The following GABRB1 variants were observed in gnomAD, a reference collection of about 807,000 sequenced individuals.
The protein encoded by GABRB1 is gamma-aminobutyric acid receptor subunit beta-1.
GABRB1 carries 17 observed loss-of-function variants against 51.6 expected under a neutral mutation model. The ratio of observed to expected loss-of-function variants is 0.33; its 90% CI spans 0.23 to 0.49. The LOEUF (loss-of-function observed/expected upper bound fraction) is 0.49, where lower values mean the gene tolerates loss of function less well. Ranked by LOEUF, GABRB1 falls within the 20% of genes least tolerant of loss-of-function variation. The pLI is 0.99. For synonymous variants in GABRB1, 247 were observed against 218.9 expected, an observed-to-expected ratio of 1.13 and a Z score of -1.14; for missense variants, 410 against 600.6, an observed-to-expected ratio of 0.68 and a Z score of 3.32.
chr4:47,342,205 G>T (rs1253506627), intron 5 of GABRB1, among the ~76,000 whole-genome samples: 1 of 152,002 alleles, frequency 6.6e-6, no homozygotes, highest in Non-Finnish European at 1.5e-5. Flanking sequence ...AGAAAGGAAA[G>T]TTTTAAACAC....
At chr4:47,164,789 T>A (rs1404382402) in intron 4 of GABRB1, among the ~76,000 whole-genome samples, 2 of 152,112 alleles carry the variant, frequency 1.3e-5, no homozygotes, top group Non-Finnish European at 2.9e-5. Flanking sequence ...GGATGGCACA[T>A]AGTCCTGTAA....
intron 3 of GABRB1, among the ~76,000 whole-genome samples, chr4:47,120,210 T>C (rs1249605548): frequency 1.3e-5 from 2 of 152,178 alleles, no homozygotes; most frequent in Admixed American, 1.3e-4. Flanking sequence ...TATACACATA[T>C]GCACCCAACA....
intron 3 of GABRB1, among the ~76,000 whole-genome samples, chr4:47,132,690 GA>G (rs1467935595): frequency 6.6e-6 from 1 of 152,136 alleles, no homozygotes; most frequent in African/African-American, 2.4e-5. Context: ...TTTCTTGAAC[GA>G]AGGAAAATAG....
intron 4 of GABRB1, among the ~76,000 whole-genome samples, chr4:47,203,397 G>GAGA (rs146417070): frequency 0.85 from 128,788 of 151,730 alleles, 54,628 homozygotes; most frequent in Middle Eastern, 0.92. Flanking sequence ...TGACTTATCA[G>GAGA]AGGAGAGTCC....
intron 3 of GABRB1, among the ~76,000 whole-genome samples, chr4:47,130,823 A>C (rs1289529619): frequency 1.3e-5 from 2 of 152,298 alleles, no homozygotes; most frequent in Admixed American, 6.5e-5. Flanking sequence ...ACAGTGCTTC[A>C]CATATAGTAA....
In GABRB1 at chr4:47,092,161, C is replaced by CTTT. The variant is rs1328540176; in HGVS notation, c.240+59678_240+59680dup. Among the ~76,000 whole-genome samples the CTTT allele has an allele frequency of 3.2e-3, 217 of 68,168 alleles. 9 individuals are homozygous for CTTT. Among genetic ancestry groups the CTTT allele is most frequent in the South Asian group, 4.9e-3 (9 of 1,842 alleles). 44.7% of individuals were successfully genotyped at this position (68,168 alleles called of 152,430 possible). A position where few individuals can be genotyped will look rare whatever the true frequency, so the allele number is the denominator to read the frequency against. On this transcript the variant is annotated intron_variant, in intron 3 of 8. Coordinates refer to ENST00000295454, the MANE Select transcript of GABRB1 (RefSeq NM_000812.4). Reference sequence around the variant, plus strand: ...TTTCTTTTTCTTTCTTTCTTTCTTTCTTTCTTTTTTTTTTTTTTTTTTTTT... The same window carrying CTTT: ...TTTCTTTTTCTTTCTTTCTTTCTTTCTTTTTTCTTTTTTTTTTTTTTTTTTTTT...
chr4:47,254,603 A>G (rs1722128179), intron 4 of GABRB1, among the ~76,000 whole-genome samples: 1 of 151,504 alleles, frequency 6.6e-6, no homozygotes, highest in Non-Finnish European at 1.5e-5. Context: ...CGATCTCCTG[A>G]CTTTGTGATC....
At chr4:47,181,615 G>A (rs1242632948) in intron 4 of GABRB1, among the ~76,000 whole-genome samples, 1 of 151,964 alleles carries the variant, frequency 6.6e-6, no homozygotes, top group Non-Finnish European at 1.5e-5. Flanking sequence ...AAATAGTAGT[G>A]CCTATCGCAT....
rs761839362 is a variant in GABRB1, at chr4:47,406,774, C to A, written c.928C>A (p.Leu310Met). The change falls in exon 8 of 9, where the codon CTG (leucine) becomes ATG (methionine). Residue 310 changes from leucine (L) to methionine (M), a missense_variant. Coordinates refer to ENST00000295454, the MANE Select transcript of GABRB1 (RefSeq NM_000812.4). ...TTATGTCAAAGCGATTGATATTTAT[C>A]TGATGGGTTGCTTTGTGTTTGTGTT... ...IPYVKAIDIY[L>M]MGCFVFVFLA... The A allele has an allele frequency of 6.2e-7, 1 of 1,614,160 alleles. No individual in the cohort carries two copies. The highest frequency in any genetic ancestry group is 1.1e-5 in the South Asian group (1 of 91,084).
chr4:47,103,628 T>C (rs989534693), intron 3 of GABRB1, among the ~76,000 whole-genome samples: 3 of 152,036 alleles, frequency 2.0e-5, no homozygotes, highest in African/African-American at 7.2e-5. Flanking sequence ...CAAATTACAT[T>C]ATGTATTTCT....
chr4:47,324,219 A>T (rs1307212864), intron 5 of GABRB1, among the ~76,000 whole-genome samples: 3 of 152,102 alleles, frequency 2.0e-5, no homozygotes, highest in African/African-American at 7.2e-5. Context: ...CTTCACCACC[A>T]TTCCGAGTTA....
chr4:47,001,250 C>G (rs535755189), intron 1 of GABRB1, among the ~76,000 whole-genome samples: 1 of 152,240 alleles, frequency 6.6e-6, no homozygotes, highest in East Asian at 1.9e-4. Context: ...TCACGCCATT[C>G]TCCTGCCTCA....
intron 1 of GABRB1, among the ~76,000 whole-genome samples, chr4:47,025,390 T>A (rs1725059417): frequency 6.6e-6 from 1 of 151,940 alleles, no homozygotes; most frequent in Admixed American, 6.6e-5. Context: ...CTTTTCTGCA[T>A]CCATGCCAAT....
intron 3 of GABRB1, among the ~76,000 whole-genome samples, chr4:47,045,786 C>T (rs1726057725): frequency 6.6e-6 from 1 of 152,032 alleles, no homozygotes; most frequent in Admixed American, 6.6e-5. Flanking sequence ...TATCGGAGCT[C>T]AAGTTTTGGC....
At chr4:47,264,066 C>T (rs1443203622) in intron 4 of GABRB1, among the ~76,000 whole-genome samples, 5 of 151,940 alleles carry the variant, frequency 3.3e-5, no homozygotes, top group Admixed American at 1.3e-4. Context: ...CACTTGAGCC[C>T]AGAAGAGGGA....
intron 1 of GABRB1, among the ~76,000 whole-genome samples, chr4:46,999,595 A>G (rs1724119272): frequency 6.6e-6 from 1 of 152,200 alleles, no homozygotes; most frequent in Non-Finnish European, 1.5e-5. Flanking sequence ...TCAGGAGTAA[A>G]TGTATACAAA....
chr4:47,019,622 T>TCTCG (rs796320122), intron 1 of GABRB1, among the ~76,000 whole-genome samples: 3 of 80,864 alleles, frequency 3.7e-5, no homozygotes, highest in African/African-American at 1.6e-4. Flanking sequence ...TCTTTCTTTC[T>TCTCG]CTCTCTTTCT....
At chr4:47,316,237 C>T (rs1578088864) in intron 4 of GABRB1, among the ~76,000 whole-genome samples, 1 of 151,658 alleles carries the variant, frequency 6.6e-6, no homozygotes, top group East Asian at 1.9e-4. Context: ...TTTTTCCTTT[C>T]ATCACTCCCT....
At chr4:47,258,064 G>A (rs1172220500) in intron 4 of GABRB1, among the ~76,000 whole-genome samples, 1 of 152,134 alleles carries the variant, frequency 6.6e-6, no homozygotes, top group African/African-American at 2.4e-5. Context: ...AGGTTGAGAA[G>A]CAGCATTCTA....
Sources: gnomAD v4.1 joint callset for allele counts (sites outside exome capture counted in the v4.1 genomes callset) on GRCh38, gnomAD v4.1.1 for gene constraint, MANE v1.5 for transcripts, NCBI Gene and HGNC (gene_info 2026-07-23, HGNC 2026-07-21) for gene names.